The following ING5 variants were observed in gnomAD, a reference collection of about 807,000 sequenced individuals.
ING5 encodes inhibitor of growth protein 5.
In ING5, 17 loss-of-function variants were observed where a neutral mutation model predicts 37.4. The ratio of observed to expected loss-of-function variants is 0.45; its 90% CI spans 0.31 to 0.68. The LOEUF (loss-of-function observed/expected upper bound fraction) is 0.68, where lower values mean the gene tolerates loss of function less well. Ranked by LOEUF, ING5 falls within the 30% of genes least tolerant of loss-of-function variation. ING5 has a pLI of 0.05. For synonymous variants in ING5, 123 were observed against 116.6 expected (o/e 1.06, Z -0.36); for missense variants, 233 against 311.9 (o/e 0.75, Z 1.91).
At chr2:241,700,572 CA>C (rs2069700842), upstream of ING5, among the ~76,000 whole-genome samples, 1 of 152,052 alleles carries the variant, frequency 6.6e-6, no homozygotes, top group Non-Finnish European at 1.5e-5. Flanking sequence ...TCTCCTGTTT[CA>C]GCCTCCCGAG....
chr2:241,726,226 A>G lies in ING5; in HGVS notation c.*1195A>G, dbSNP rs1006375817. The stretch of plus-strand genomic sequence containing the variant: ...GGACGCCTGTTTCTGTCCTCACACC[A>G]CAGAAAGAAACCTGAGGGAAAACTG... On this transcript the variant is annotated 3_prime_UTR_variant, in exon 8 of 8. Coordinates refer to ENST00000313552, the MANE Select transcript of ING5 (RefSeq NM_032329.6). 2.6e-5 allele frequency: 4 copies of G among 152,164 alleles called. No individual in the cohort carries two copies. The highest frequency in any genetic ancestry group is 9.7e-5 in the African/African-American group (4 of 41,400). 9.4% of individuals were successfully genotyped at this position (152,164 alleles called of 1,614,324 possible). A position where few individuals can be genotyped will look rare whatever the true frequency, so the allele number is the denominator to read the frequency against.
intron 5 of ING5, chr2:241,719,350 G>A (rs1575138405): frequency 3.1e-6 from 2 of 645,252 alleles, no homozygotes; most frequent in Admixed American, 2.3e-5. Context: ...TGAGGCAGGC[G>A]GACGCCGCCC....
intron 4 of ING5, 95 bp downstream of exon 4, chr2:241,711,583 G>T: frequency 1.1e-6 from 1 of 919,322 alleles, no homozygotes. Flanking sequence ...ATGATCACTA[G>T]GGTAAGTATC....
intron 5 of ING5, among the ~76,000 whole-genome samples, chr2:241,714,465 G>A (rs1029696764): frequency 6.6e-6 from 1 of 152,132 alleles, no homozygotes; most frequent in Admixed American, 6.6e-5. Flanking sequence ...TTTGTTTCAT[G>A]TAAGTTGTCA....
intron 1 of ING5, among the ~76,000 whole-genome samples, chr2:241,703,232 C>A (rs1307763538): frequency 6.6e-6 from 1 of 152,226 alleles, no homozygotes; most frequent in African/African-American, 2.4e-5. Context: ...GAGGCTGTGC[C>A]TCTGTCCTCT....
intron 2 of ING5, among the ~76,000 whole-genome samples, chr2:241,706,088 C>T (rs1326029853): frequency 6.6e-6 from 1 of 152,148 alleles, no homozygotes; most frequent in Admixed American, 6.6e-5. Flanking sequence ...GTCTGTCAGG[C>T]TGTCTACCCT....
intron 3 of ING5, among the ~76,000 whole-genome samples, chr2:241,709,759 A>G (rs766305308): frequency 9.2e-5 from 14 of 151,712 alleles, no homozygotes; most frequent in South Asian, 2.1e-4. Flanking sequence ...GGCATGCAGC[A>G]CCACACCCAG....
At chr2:241,697,711 A>G (rs1456701603), upstream of ING5, among the ~76,000 whole-genome samples, 3 of 151,994 alleles carry the variant, frequency 2.0e-5, no homozygotes, top group African/African-American at 7.2e-5. Context: ...AGCGCAGGGG[A>G]TTTTTAGGGC....
chr2:241,688,265 C>T, intron 1 of ING5, among the ~76,000 whole-genome samples: 1 of 151,498 alleles, frequency 6.6e-6, no homozygotes, highest in East Asian at 1.9e-4. Context: ...TTGGGAGGCA[C>T]CCTCAGCCAG....
chr2:241,709,143 T>G, intron 2 of ING5, 73 bp from the exon 3 acceptor site: 8 of 1,490,100 alleles, frequency 5.4e-6, no homozygotes, highest in Non-Finnish European at 7.3e-6. Flanking sequence ...TGGCTGACTT[T>G]AGTTGTTGCC....
intron 2 of ING5, among the ~76,000 whole-genome samples, chr2:241,690,967 C>T (rs532682037): frequency 9.2e-5 from 14 of 151,880 alleles, no homozygotes; most frequent in Admixed American, 3.3e-4. Context: ...GCCACAACAC[C>T]CGGCTAATTT....
upstream of ING5, among the ~76,000 whole-genome samples, chr2:241,699,189 C>G (rs2069677712): frequency 6.6e-6 from 1 of 150,972 alleles, no homozygotes; most frequent in African/African-American, 2.4e-5. Context: ...CCACGCCTGG[C>G]TAATTTTGTA....
intron 5 of ING5, among the ~76,000 whole-genome samples, chr2:241,717,269 C>T (rs2070300632): frequency 1.3e-5 from 2 of 152,122 alleles, no homozygotes; most frequent in South Asian, 4.1e-4. Context: ...TGGGGTTTTG[C>T]CATGTTGGCC....
At chr2:241,698,031 C>T (rs1486815313), upstream of ING5, among the ~76,000 whole-genome samples, 2 of 140,444 alleles carry the variant, frequency 1.4e-5, no homozygotes, top group African/African-American at 5.4e-5. Context: ...TGTAGTAAGC[C>T]AAGATTGCAC....
rs923537593 is a variant in ING5, at chr2:241,728,744, G to C, written c.*3713G>C. Reference sequence around the variant, plus strand: ...CCACTGTTGGCCAGGGACGCCGTGCGGAGGCCTACGTGGCTGCCTGAGCAG... The same window carrying C: ...CCACTGTTGGCCAGGGACGCCGTGCCGAGGCCTACGTGGCTGCCTGAGCAG... On this transcript the variant is annotated 3_prime_UTR_variant, in exon 8 of 8. Coordinates refer to ENST00000313552, the MANE Select transcript of ING5 (RefSeq NM_032329.6). 6.6e-6 allele frequency: 1 copy of C among 152,296 alleles called. No homozygotes were observed. Among genetic ancestry groups the C allele is most frequent in the Non-Finnish European group, 1.5e-5 (1 of 68,072 alleles). 9.4% of individuals were successfully genotyped at this position (152,296 alleles called of 1,614,324 possible). A position where few individuals can be genotyped will look rare whatever the true frequency, so the allele number is the denominator to read the frequency against.
intron 1 of ING5, 32 bp from the exon 2 acceptor site, chr2:241,704,621 A>G: frequency 6.3e-7 from 1 of 1,580,478 alleles, no homozygotes; most frequent in Non-Finnish European, 8.7e-7. Context: ...TGCTGCTGAG[A>G]GGTACATGGC....
chr2:241,710,682 C>G (rs2124911258), intron 3 of ING5, among the ~76,000 whole-genome samples: 1 of 152,230 alleles, frequency 6.6e-6, no homozygotes, highest in African/African-American at 2.4e-5. Context: ...TGGGGTTGCT[C>G]CATGTTGGTC....
In ING5 at chr2:241,725,628, T is replaced by C. The variant is rs1271017494; in HGVS notation, c.*597T>C. On this transcript the variant is annotated 3_prime_UTR_variant, in exon 8 of 8. Transcript: ENST00000313552. The stretch of plus-strand genomic sequence containing the variant: ...GGCCTCCGCTTCGCTGGCGCCGCCT[T>C]TTTAGCTTGGACTTCAGTCCTCCCT... 1 of 152,480 alleles carries C rather than the reference T, an allele frequency of 6.6e-6. No individual in the cohort carries two copies. The highest frequency in any genetic ancestry group is 1.9e-4 in the East Asian group (1 of 5,176). 9.4% of individuals were successfully genotyped at this position (152,480 alleles called of 1,614,324 possible).
chr2:241,700,580 C>G (rs1324705948), upstream of ING5, among the ~76,000 whole-genome samples: 1 of 151,872 alleles, frequency 6.6e-6, no homozygotes, highest in Non-Finnish European at 1.5e-5. Flanking sequence ...TTCAGCCTCC[C>G]GAGTATCTGG....
Sources: gnomAD v4.1 joint callset for allele counts (sites outside exome capture counted in the v4.1 genomes callset) on GRCh38, gnomAD v4.1.1 for gene constraint, MANE v1.5 for transcripts, NCBI Gene and HGNC (gene_info 2026-07-23, HGNC 2026-07-21) for gene names.